Variants in ABCC2 observed in about 807,000 individuals in gnomAD.
ABCC2 encodes ATP-binding cassette sub-family C member 2.
ABCC2 carries 157 observed loss-of-function variants against 173.4 expected under a neutral mutation model. The ratio of observed to expected loss-of-function variants is 0.91; its 90% CI spans 0.80 to 1.03. The LOEUF is 1.03. ABCC2 is among the 50% of genes least tolerant of loss of function. ABCC2 has a pLI of 0.00. For missense variants in ABCC2, 1,822 were observed against 1,852.3 expected (o/e 0.98, Z 0.30); for synonymous variants, 657 against 693.5 (o/e 0.95, Z 0.83).
intron 1 of ABCC2, 60 bp downstream of exon 1, chr10:99,782,937 A>C: frequency 6.4e-7 from 1 of 1,572,646 alleles, no homozygotes; most frequent in Non-Finnish European, 8.7e-7. Flanking sequence ...AGTGGTAGTT[A>C]GTTAACTTAG....
intron 23 of ABCC2, among the ~76,000 whole-genome samples, chr10:99,833,753 C>A (rs767653341): frequency 5.3e-5 from 8 of 152,172 alleles, no homozygotes; most frequent in Non-Finnish European, 1.2e-4. Context: ...CCAGAGATAA[C>A]TTAAACTCAC....
intron 24 of ABCC2, 22 bp downstream of exon 24, chr10:99,834,557 T>TCATC: frequency 6.2e-7 from 1 of 1,611,252 alleles, no homozygotes; most frequent in East Asian, 2.2e-5. Flanking sequence ...AATGGCTAAG[T>TCATC]CATCCTTCCT....
In ABCC2 at chr10:99,807,413, A is replaced by G. The variant is rs1325017267; in HGVS notation, c.1560A>G (p.Ser520=). ...KILKYFAWEP[S]FRDQVQNLRK... Reference sequence around the variant, plus strand: ...TGAAATATTTTGCCTGGGAACCTTCATTCAGAGACCAAGTACAAAACCTCC... The same window carrying G: ...TGAAATATTTTGCCTGGGAACCTTCGTTCAGAGACCAAGTACAAAACCTCC... The change falls in exon 12 of 32, where the codon TCA becomes TCG. Residue 520 remains serine, a synonymous_variant. Transcript: ENST00000647814. 1 of 1,614,004 alleles carries G rather than the reference A, an allele frequency of 6.2e-7. No individual in the cohort carries two copies. The highest frequency in any genetic ancestry group is 1.3e-5 in the African/African-American group (1 of 74,916).
Position 99,832,129 on chromosome 10 carries a change from G to C in ABCC2, c.3256G>C (p.Gly1086Arg). 6.2e-7 allele frequency: 1 copy of C among 1,614,108 alleles called. No homozygotes were observed. ...PTGRIVNRFA[G>R]DISTVDDTLP... ...AGGCCGGATTGTGAACAGGTTTGCC[G>C]GCGTAAGTATCTCAAGAACTGTCAG... is the stretch of plus-strand genomic sequence containing the variant. Residue 1086 changes from glycine (G) to arginine (R), a missense_variant and splice_region_variant, in exon 23 of 32, where the codon GGC becomes CGC. Transcript: ENST00000647814.
intron 23 of ABCC2, among the ~76,000 whole-genome samples, chr10:99,834,171 A>G (rs1444165262): frequency 6.6e-6 from 1 of 152,224 alleles, no homozygotes; most frequent in East Asian, 1.9e-4. Context: ...TGTGACCACC[A>G]CGCCAGGCCT....
At position 99,805,418 on chromosome 10, in the gene ABCC2, A is replaced by C; in HGVS notation, c.1501A>C (p.Ile501Leu). ...NMKNKDKRLK[I>L]MNEILSGIKI... ...GAAGAATAAAGACAAACGTTTAAAG[A>C]TCATGAATGAGATTCTTAGTGGAAT... The change falls in exon 11 of 32, where the codon ATC (isoleucine) becomes CTC (leucine). Residue 501 changes from isoleucine (I) to leucine (L), a missense_variant. Coordinates refer to ENST00000647814, the MANE Select transcript of ABCC2 (RefSeq NM_000392.5). 6.2e-7 allele frequency: 1 copy of C among 1,614,018 alleles called. No individual in the cohort carries two copies. The highest frequency in any genetic ancestry group is 8.5e-7 in the Non-Finnish European group (1 of 1,179,936).
chr10:99,800,576 C>T lies in ABCC2; in HGVS notation c.1209+13C>T, dbSNP rs761406104. ...TGTATATAAGAAGGTAAGCAGAATA[C>T]GGCAGGTATCACCAAAGAAAATCCC... On this transcript the variant is annotated intron_variant, in intron 9 of 31. Transcript: ENST00000647814. 7.3e-5 allele frequency: 117 copies of T among 1,613,684 alleles called. 1 individual carries two copies. Among genetic ancestry groups the T allele is most frequent in the East Asian group, 5.8e-4 (26 of 44,890 alleles).
chr10:99,819,153 G>A lies in ABCC2; in HGVS notation c.2504G>A (p.Gly835Glu), dbSNP rs369677401. 6.2e-5 allele frequency: 100 copies of A among 1,613,956 alleles called. No individual in the cohort carries two copies. Among genetic ancestry groups the A allele is most frequent in the Non-Finnish European group, 7.8e-5 (92 of 1,180,016 alleles). The change falls in exon 19 of 32, where the codon GGG becomes GAG. Residue 835 changes from glycine to glutamate, a missense_variant. By Grantham distance (98) the Gly-to-Glu change is moderately conservative. Transcript: ENST00000647814. The stretch of plus-strand genomic sequence containing the variant: ...CAAGTGGATGAGATTGTAGTTCTGG[G>A]GAATGGAACAATTGTAGAGAAAGGA... The part of the protein sequence containing the change: ...LPQVDEIVVL[G>E]NGTIVEKGSY...
chr10:99,811,685 G>T lies in ABCC2; in HGVS notation c.1967+83G>T, dbSNP rs34839727. The T allele has an allele frequency of 2.5e-3, 3,617 of 1,448,364 alleles. 76 individuals carry two copies. In the African/African-American group the frequency reaches 0.044, roughly 18 times the overall value. 89.7% of individuals were successfully genotyped at this position (1,448,364 alleles called of 1,614,324 possible). On this transcript the variant is annotated intron_variant, in intron 15 of 31. Transcript: ENST00000647814. ...CTCAGAAAATTCCATGTAATAGAAT[G>T]CATGGGGAAATGAGCTATGTGCATG...
chr10:99,842,824 T>C (rs7078268), intron 26 of ABCC2, among the ~76,000 whole-genome samples: 4,937 of 152,026 alleles, frequency 0.032, 257 homozygotes, highest in African/African-American at 0.11. Flanking sequence ...CCAAAGTGGG[T>C]GGATCACCTG....
In ABCC2 at chr10:99,807,478, T is replaced by G. The variant is rs764673856; in HGVS notation, c.1625T>G (p.Leu542Arg). ...AAGAACCTGCTGGCCTTTAGTCAAC[T>G]ACAGTGTGTAGTAATATTCGTCTTC... The part of the protein sequence containing the change: ...ELKNLLAFSQ[L>R]QCVVIFVFQL... The change falls in exon 12 of 32, where the codon CTA becomes CGA. Residue 542 changes from leucine to arginine, a missense_variant. Leu to Arg is a moderately radical substitution (Grantham distance 102). Coordinates refer to ENST00000647814, the MANE Select transcript of ABCC2 (RefSeq NM_000392.5). 9.9e-6 allele frequency: 16 copies of G among 1,614,048 alleles called. No individual in the cohort carries two copies. The South Asian group carries it at 1.6e-4, about 17-fold the overall frequency.
At chr10:99,827,887 G>A (rs999473591) in intron 19 of ABCC2, among the ~76,000 whole-genome samples, 10 of 135,120 alleles carry the variant, frequency 7.4e-5, no homozygotes, top group Non-Finnish European at 1.1e-4. Flanking sequence ...GGGATCTCTC[G>A]TCGACTTGTG....
In ABCC2 at chr10:99,799,195, T is replaced by C; in HGVS notation, c.868-12T>C. The stretch of plus-strand genomic sequence containing the variant: ...TAACTCTGTGGACACTGTTGTTTGG[T>C]TTTGTACCTAGGAAGATGTTGAAAA... On this transcript the variant is annotated splice_polypyrimidine_tract_variant and intron_variant, in intron 7 of 31. Transcript: ENST00000647814. The C allele has an allele frequency of 6.2e-7, 1 of 1,613,716 alleles. No individual in the cohort carries two copies.
intron 16 of ABCC2, among the ~76,000 whole-genome samples, chr10:99,814,273 ACACG>A (rs2038301633): frequency 1.3e-5 from 1 of 76,756 alleles, no homozygotes; most frequent in Non-Finnish European, 2.6e-5. Context: ...GTATGTATAC[ACACG>A]TATGTATACA....
Position 99,845,634 on chromosome 10 carries a change from T to C in ABCC2, c.3998T>C (p.Val1333Ala). Residue 1333 changes from valine to alanine, a missense_variant, in exon 29 of 32, where the codon GTG (valine) becomes GCG (alanine). By Grantham distance (64) the Val-to-Ala change is moderately conservative. Coordinates refer to ENST00000647814, the MANE Select transcript of ABCC2 (RefSeq NM_000392.5). ...DIGSMEKIGVVGRTGAGKSSL... is the reference protein window; with the variant it reads ...DIGSMEKIGVAGRTGAGKSSL... ...GAACTATATTCGCAGATTGGTGTGGTGGGCAGGACAGGAGCTGGAAAGTCA... is the reference window on the plus strand; with the variant it reads ...GAACTATATTCGCAGATTGGTGTGGCGGGCAGGACAGGAGCTGGAAAGTCA... 1.2e-6 allele frequency: 2 copies of C among 1,613,986 alleles called. No individual in the cohort carries two copies. Among genetic ancestry groups the C allele is most frequent in the Non-Finnish European group, 1.7e-6 (2 of 1,179,976 alleles).
At position 99,782,864 on chromosome 10, in the gene ABCC2, A is replaced by G. The variant is rs2037639136; in HGVS notation, c.20A>G (p.Asn7Ser). Residue 7 changes from asparagine (N) to serine (S), a missense_variant, in exon 1 of 32, where the codon AAC becomes AGC. By Grantham distance (46) the Asn-to-Ser change is conservative. Transcript: ENST00000647814. The part of the protein sequence containing the change: MLEKFC[N>S]STFWNSSFLD... ...GGAATCATGCTGGAGAAGTTCTGCA[A>G]CTCTACTTTTTGGGTGAGAAATTAC... The G allele has an allele frequency of 1.2e-6, 2 of 1,614,048 alleles. No homozygotes were observed. The highest frequency in any genetic ancestry group is 2.2e-5 in the East Asian group (1 of 44,860).
intron 23 of ABCC2, among the ~76,000 whole-genome samples, chr10:99,832,614 G>C (rs1351498957): frequency 6.6e-6 from 1 of 152,196 alleles, no homozygotes; most frequent in Non-Finnish European, 1.5e-5. Flanking sequence ...GTCACAGCCT[G>C]GGACAGGAAA....
In ABCC2 at chr10:99,814,125, A is replaced by ATG. The variant is rs2038272178; in HGVS notation, c.2094+982_2094+983insGT. Reference sequence around the variant, plus strand: ...TACACACATATGTGTATATACACACATATGTGTGTATATATACACACATGT... The same window carrying ATG: ...TACACACATATGTGTATATACACACATGTATGTGTGTATATATACACACATGT... On this transcript the variant is annotated intron_variant, in intron 16 of 31. Coordinates refer to ENST00000647814, the MANE Select transcript of ABCC2 (RefSeq NM_000392.5). Among the ~76,000 whole-genome samples, 4 of 124,532 alleles carry ATG rather than the reference A, an allele frequency of 3.2e-5. 1 individual carries two copies. Among genetic ancestry groups the ATG allele is most frequent in the African/African-American group, 1.2e-4 (4 of 33,422 alleles). The allele number at this position is 124,532 out of a possible 152,430, so 81.7% of individuals were successfully genotyped here. A position where few individuals can be genotyped will look rare whatever the true frequency, so the allele number is the denominator to read the frequency against.
intron 2 of ABCC2, among the ~76,000 whole-genome samples, chr10:99,791,572 A>G (rs2037812422): frequency 6.6e-6 from 1 of 152,178 alleles, no homozygotes; most frequent in African/African-American, 2.4e-5. Context: ...CAGCTTACCC[A>G]GGTTCTGCTT....
Sources: allele counts gnomAD v4.1 joint callset (sites outside exome capture counted in the v4.1 genomes callset), GRCh38; gene constraint gnomAD v4.1.1; transcripts MANE v1.5; gene names NCBI Gene and HGNC (gene_info 2026-07-23, HGNC 2026-07-21).